Variants in ANKRD17 observed in about 807,000 individuals in gnomAD.
ANKRD17 encodes the protein ankyrin repeat domain 17, also known as ankyrin repeat domain-containing protein 17.
A neutral mutation model predicts 229.7 loss-of-function variants in ANKRD17; 19 were observed. The ratio of observed to expected loss-of-function variants is 0.08; its 90% CI spans 0.06 to 0.12. The LOEUF (loss-of-function observed/expected upper bound fraction) is 0.12, where lower values mean the gene tolerates loss of function less well. Among genes scored for constraint, ANKRD17 ranks in the 10% least tolerant of loss-of-function variants. The pLI, the probability that ANKRD17 is intolerant of heterozygous loss-of-function variation, is 1.00. For missense variants in ANKRD17, 2,176 were observed against 3,176.8 expected, an observed-to-expected ratio of 0.68 and a Z score of 7.57; for synonymous variants, 1,112 against 1,146.1, an observed-to-expected ratio of 0.97 and a Z score of 0.60.
At position 73,121,046 on chromosome 4, in the gene ANKRD17, A is replaced by G. The variant is rs1298740748; in HGVS notation, c.3684T>C (p.Asn1228=). ...GGAGCTTAACAGCAGCTGTATGCCC[A>G]TTCATAGCTGCTAACATCAGAGGAG... ...GISPLMLAAM[N]GHTAAVKLLL... is the part of the protein sequence containing the mutation. Residue 1228 remains asparagine, a synonymous_variant, in exon 20 of 34, where the codon AAT becomes AAC. Coordinates refer to ENST00000358602, the MANE Select transcript of ANKRD17 (RefSeq NM_032217.5). 1.1e-5 allele frequency: 17 copies of G among 1,613,946 alleles called. No individual in the cohort carries two copies. Among genetic ancestry groups the G allele is most frequent in the Admixed American group, 3.3e-5 (2 of 60,000 alleles).
chr4:73,159,993 G>A (rs1732286152), intron 3 of ANKRD17, among the ~76,000 whole-genome samples: 1 of 152,038 alleles, frequency 6.6e-6, no homozygotes, highest in South Asian at 2.1e-4. Flanking sequence ...AACACCATTA[G>A]ACAACAAAGA....
In ANKRD17 at chr4:73,092,843, T is replaced by A. The variant is rs188627746; in HGVS notation, c.5328-543A>T. ...ATTAGTAGTTTGTCTATTAATAGGA[T>A]AATTATTGTAACTCCTCTGGGAAGA... On this transcript the variant is annotated intron_variant, in intron 28 of 33. Coordinates refer to ENST00000358602, the MANE Select transcript of ANKRD17 (RefSeq NM_032217.5). Among the ~76,000 whole-genome samples the A allele has an allele frequency of 3.9e-3, 590 of 152,328 alleles. 1 individual carries two copies. Among genetic ancestry groups the A allele is most frequent in the Non-Finnish European group, 6.3e-3 (428 of 68,024 alleles).
At chr4:73,113,321 A>C in intron 24 of ANKRD17, 1 of 1,289,320 alleles carries the variant, frequency 7.8e-7, no homozygotes, top group Non-Finnish European at 1.0e-6. Flanking sequence ...CCTGAAAGAG[A>C]AAAGTACAAG....
At chr4:73,218,088 A>G (rs1207881206) in intron 1 of ANKRD17, among the ~76,000 whole-genome samples, 6 of 152,218 alleles carry the variant, frequency 3.9e-5, no homozygotes, top group Admixed American at 1.3e-4. Flanking sequence ...TATAGGTAAA[A>G]ATGAGAACCA....
intron 1 of ANKRD17, among the ~76,000 whole-genome samples, chr4:73,192,774 C>G (rs1274589400): frequency 6.6e-6 from 1 of 152,094 alleles, no homozygotes; most frequent in Admixed American, 6.5e-5. Context: ...TATGCATATG[C>G]AACCTCATTC....
At position 73,151,516 on chromosome 4, in the gene ANKRD17, C is replaced by G; in HGVS notation, c.1243G>C (p.Glu415Gln). 1 of 1,597,012 alleles carries G rather than the reference C, an allele frequency of 6.3e-7. No homozygotes were observed. Reference protein sequence around the residue: ...LTLACYKGHLEMVRFLLEAGA... With the variant: ...LTLACYKGHLQMVRFLLEAGA... ...GCTTCCAAAAGAAATCGCACCATCT[C>G]TAAGTGTCCTAAACCAAAAGTGTAC... The change falls in exon 7 of 34, where the codon GAG (glutamate) becomes CAG (glutamine). Residue 415 changes from glutamate to glutamine, a missense_variant. By Grantham distance (29) the Glu-to-Gln change is conservative (BLOSUM62 2). Around this residue, in one of 18 missense-constraint regions of ANKRD17, gnomAD observed 184 missense variants for 357.8 expected, o/e 0.51. Transcript: ENST00000358602.
At chr4:73,223,747 C>G (rs1742155618) in intron 1 of ANKRD17, among the ~76,000 whole-genome samples, 1 of 151,950 alleles carries the variant, frequency 6.6e-6, no homozygotes, top group South Asian at 2.1e-4. Context: ...TTTTCTCTTA[C>G]AATAAATACT....
At chr4:73,129,086 G>A (rs1011913378) in intron 16 of ANKRD17, among the ~76,000 whole-genome samples, 1 of 152,118 alleles carries the variant, frequency 6.6e-6, no homozygotes, top group African/African-American at 2.4e-5. Context: ...AGATCTAAGA[G>A]AAAGTCCCGA....
chr4:73,188,781 T>C (rs1736634968), intron 1 of ANKRD17, among the ~76,000 whole-genome samples: 1 of 152,102 alleles, frequency 6.6e-6, no homozygotes, highest in Admixed American at 6.6e-5. Context: ...CAAACACAGT[T>C]TCTTGGGTAA....
chr4:73,079,712 C>G (rs1416552174), intron 30 of ANKRD17, among the ~76,000 whole-genome samples: 1 of 152,118 alleles, frequency 6.6e-6, no homozygotes, highest in Non-Finnish European at 1.5e-5. Flanking sequence ...ATCTTTTTTA[C>G]TTATGCAAAC....
intron 1 of ANKRD17, among the ~76,000 whole-genome samples, chr4:73,183,222 T>C (rs542501314): frequency 4.1e-4 from 62 of 152,258 alleles, no homozygotes; most frequent in African/African-American, 1.5e-3. Context: ...ACAGGACAAC[T>C]GTAAAAACAG....
chr4:73,118,648 T>C lies in ANKRD17; in HGVS notation c.4188+40A>G, dbSNP rs16849178. 1.2e-3 allele frequency: 2,002 copies of C among 1,609,246 alleles called. 24 individuals are homozygous for C. The African/African-American group carries it at 0.024, about 19-fold the overall frequency. ...TAAGCCATGTACTTCCTAGTGTAAGTAAAAAAACATCCAGGTAAATGAGGA... is the reference window on the plus strand; with the variant it reads ...TAAGCCATGTACTTCCTAGTGTAAGCAAAAAAACATCCAGGTAAATGAGGA... On this transcript the variant is annotated intron_variant, in intron 22 of 33. Coordinates refer to ENST00000358602, the MANE Select transcript of ANKRD17 (RefSeq NM_032217.5).
At chr4:73,121,877 T>G (rs1726780500) in intron 18 of ANKRD17, 118 bp from the exon 19 acceptor site, 3 of 1,036,520 alleles carry the variant, frequency 2.9e-6, no homozygotes, top group Non-Finnish European at 4.0e-6. Flanking sequence ...AAGTTCTTCC[T>G]TCATGCTCTG....
intron 2 of ANKRD17, among the ~76,000 whole-genome samples, chr4:73,171,063 T>C (rs1480265739): frequency 6.6e-6 from 1 of 151,798 alleles, no homozygotes. Flanking sequence ...ACAACGGGCA[T>C]TGAGTGAGAC....
chr4:73,168,236 T>C (rs1733500048), intron 2 of ANKRD17, among the ~76,000 whole-genome samples: 1 of 152,204 alleles, frequency 6.6e-6, no homozygotes, highest in Admixed American at 6.5e-5. Flanking sequence ...AGTTTTATGC[T>C]ATAATAAAGT....
At chr4:73,123,063 T>C (rs1017902025) in intron 18 of ANKRD17, among the ~76,000 whole-genome samples, 4 of 152,084 alleles carry the variant, frequency 2.6e-5, no homozygotes, top group Admixed American at 6.5e-5. Context: ...TACCCTAACA[T>C]ACTTCAACAA....
intron 1 of ANKRD17, among the ~76,000 whole-genome samples, chr4:73,183,172 T>G (rs1735808832): frequency 6.6e-6 from 1 of 152,138 alleles, no homozygotes; most frequent in Non-Finnish European, 1.5e-5. Context: ...TCGAGAGATA[T>G]AACCAGCAAA....
At chr4:73,221,879 T>A (rs1183648611) in intron 1 of ANKRD17, among the ~76,000 whole-genome samples, 1 of 152,162 alleles carries the variant, frequency 6.6e-6, no homozygotes, top group Non-Finnish European at 1.5e-5. Context: ...TGCTGCAATG[T>A]CAGCTCCAAG....
At chr4:73,100,704 C>T (rs1723868883) in intron 25 of ANKRD17, 1 of 332,366 alleles carries the variant, frequency 3.0e-6, no homozygotes, top group Admixed American at 6.5e-5. Flanking sequence ...AAGACACAAC[C>T]CATGTGTGCC....
Sources: allele counts gnomAD v4.1 joint callset (sites outside exome capture counted in the v4.1 genomes callset), GRCh38; gene constraint gnomAD v4.1.1; regional missense constraint gnomAD v4.1.1; transcripts MANE v1.5; gene names NCBI Gene and HGNC (gene_info 2026-07-23, HGNC 2026-07-21).